The following POLE2 variants were observed in gnomAD, a reference collection of about 807,000 sequenced individuals.
POLE2 encodes DNA polymerase epsilon subunit 2.
Under a neutral mutation model 79.4 loss-of-function variants are expected in POLE2, and 56 were observed. That is an observed-to-expected ratio of 0.71 (90% CI 0.57 to 0.88). POLE2 has a LOEUF of 0.88. Among genes scored for constraint, POLE2 ranks in the 40% least tolerant of loss-of-function variants. The probability of loss-of-function intolerance (pLI) is 0.00; values close to 1 mark genes in which losing one functional copy is unlikely to be tolerated. For synonymous variants in POLE2, 212 were observed against 214.0 expected (o/e 0.99, Z 0.08); for missense variants, 598 against 638.9 (o/e 0.94, Z 0.69).
chr14:49,686,364 G>A (rs1048579054), intron 1 of POLE2, among the ~76,000 whole-genome samples: 1 of 152,174 alleles, frequency 6.6e-6, no homozygotes, highest in African/African-American at 2.4e-5. Context: ...CATGTTGGGG[G>A]CACACATGGC....
rs111829774 is a variant in POLE2, at chr14:49,671,544, G to A, written c.418-1946C>T. Reference sequence around the variant, plus strand: ...AGGCAGGAGAATCGCTTGAACCCAGGAGGCGGAAGTTGCAGTGAGCCGGGA... The same window carrying A: ...AGGCAGGAGAATCGCTTGAACCCAGAAGGCGGAAGTTGCAGTGAGCCGGGA... On this transcript the variant is annotated intron_variant, in intron 5 of 18. Coordinates refer to ENST00000216367, the MANE Select transcript of POLE2 (RefSeq NM_002692.4). Among the ~76,000 whole-genome samples, 480 of 150,924 alleles carry A rather than the reference G, an allele frequency of 3.2e-3. 2 individuals are homozygous for A. Among genetic ancestry groups the A allele is most frequent in the Non-Finnish European group, 5.3e-3 (362 of 67,880 alleles).
intron 8 of POLE2, 35 bp downstream of exon 8, chr14:49,665,072 G>A (rs777624819): frequency 1.7e-5 from 16 of 965,348 alleles, no homozygotes; most frequent in Admixed American, 1.6e-4. Flanking sequence ...TTCACGTAAT[G>A]CAGATTTTAA....
At position 49,679,818 on chromosome 14, in the gene POLE2, A is replaced by C; in HGVS notation, c.170-18T>G. On this transcript the variant is annotated intron_variant, in intron 2 of 18. Transcript: ENST00000216367. ...TGATGACACTGAAAAGAGAATTTCA[A>C]AGTCAAAATTTAAAAACAAAAAAAA... The C allele has an allele frequency of 2.0e-6, 3 of 1,490,998 alleles. No homozygotes were observed. The highest frequency in any genetic ancestry group is 2.8e-6 in the Non-Finnish European group (3 of 1,080,514). The allele number at this position is 1,490,998 out of a possible 1,614,324, so 92.4% of individuals were successfully genotyped here.
intron 1 of POLE2, among the ~76,000 whole-genome samples, chr14:49,684,365 T>G (rs1886960866): frequency 6.6e-6 from 1 of 151,364 alleles, no homozygotes; most frequent in South Asian, 2.1e-4. Context: ...CTCGGGAGAC[T>G]GAGGCAGGAG....
intron 18 of POLE2, among the ~76,000 whole-genome samples, chr14:49,644,126 C>T (rs988813515): frequency 1.3e-5 from 2 of 150,410 alleles, no homozygotes; most frequent in East Asian, 2.0e-4. Flanking sequence ...GTGATCCACC[C>T]GCCTCAGCCT....
intron 15 of POLE2, among the ~76,000 whole-genome samples, chr14:49,652,893 G>C (rs1215258706): frequency 6.6e-6 from 1 of 152,038 alleles, no homozygotes; most frequent in African/African-American, 2.4e-5. Context: ...ATCAGTCCCT[G>C]GTGCCAAAAA....
In POLE2 at chr14:49,653,985, CT is replaced by C; in HGVS notation, c.1211+4del. ...AAATGTATAACACAAAATACTAATTCTTACCTGCAAGGATTAGTAGTAAAAA... is the reference window on the plus strand; with the variant it reads ...AAATGTATAACACAAAATACTAATTCTACCTGCAAGGATTAGTAGTAAAAA... On this transcript the variant is annotated splice_donor_region_variant and intron_variant, in intron 15 of 18. Coordinates refer to ENST00000216367, the MANE Select transcript of POLE2 (RefSeq NM_002692.4). 6.7e-7 allele frequency: 1 copy of C among 1,494,524 alleles called. No individual in the cohort carries two copies. Among genetic ancestry groups the C allele is most frequent in the Non-Finnish European group, 9.3e-7 (1 of 1,075,432 alleles). 92.6% of individuals were successfully genotyped at this position (1,494,524 alleles called of 1,614,324 possible).
At chr14:49,677,958 C>T in intron 3 of POLE2, 2 of 281,654 alleles carry the variant, frequency 7.1e-6, no homozygotes, top group Non-Finnish European at 1.3e-5. Flanking sequence ...CCATCACTCA[C>T]TGGAATCTCT....
intron 2 of POLE2, chr14:49,681,238 T>TAAG (rs1453467322): frequency 4.9e-5 from 10 of 202,840 alleles, no homozygotes; most frequent in Non-Finnish European, 9.6e-5. Flanking sequence ...TATTAAGTAT[T>TAAG]TAACAAAAAG....
intron 3 of POLE2, 56 bp from the exon 4 acceptor site, chr14:49,674,483 G>C (rs1247045869): frequency 1.0e-6 from 1 of 1,002,372 alleles, no homozygotes; most frequent in African/African-American, 1.6e-5. Context: ...AGTACTCTAG[G>C]TGAACATGAT....
At chr14:49,656,138 G>A (rs536660801) in intron 10 of POLE2, among the ~76,000 whole-genome samples, 1 of 152,100 alleles carries the variant, frequency 6.6e-6, no homozygotes, top group Admixed American at 6.5e-5. Context: ...GGCGGATCAC[G>A]AGGTCAGGAG....
chr14:49,667,509 A>T (rs1885571905), intron 6 of POLE2, among the ~76,000 whole-genome samples: 2 of 151,926 alleles, frequency 1.3e-5, no homozygotes, highest in African/African-American at 4.8e-5. Context: ...AACAATGTTT[A>T]ATATTTCTGT....
chr14:49,663,331 G>GCT lies in POLE2; in HGVS notation c.737_738dup (p.Pro247SerfsTer24), dbSNP rs1350795026. The GCT allele has an allele frequency of 2.5e-6, 4 of 1,601,898 alleles. No homozygotes were observed. Among genetic ancestry groups the GCT allele is most frequent in the Admixed American group, 3.4e-5 (2 of 59,660 alleles). ...TTTTAATACCTAGTAGTACTAGAGG[G>GCT]CTCAGTGGGTGGAAATCCAAAGGCA... On this transcript the variant is annotated frameshift_variant, in exon 10 of 19. Transcript: ENST00000216367. LOFTEE classifies it high-confidence loss of function.
chr14:49,674,631 A>C (rs1453970230), intron 3 of POLE2, among the ~76,000 whole-genome samples: 1 of 152,102 alleles, frequency 6.6e-6, no homozygotes. Context: ...CAATGGTGGG[A>C]TATCAGCTCA....
rs773251212 is a variant in POLE2, at chr14:49,648,169, A to G, written c.1498-809T>C. ...TCACACATACAATTGTTTGTCTACT[A>G]TGAAACTCTCACGTGGCTGAGCAGA... On this transcript the variant is annotated intron_variant, in intron 17 of 18. Transcript: ENST00000216367. Among the ~76,000 whole-genome samples the G allele has an allele frequency of 3.3e-5, 5 of 152,354 alleles. No individual in the cohort carries two copies. The East Asian group carries it at 7.7e-4, about 24-fold the overall frequency.
chr14:49,646,079 C>A (rs1251609530), intron 18 of POLE2, among the ~76,000 whole-genome samples: 1 of 152,192 alleles, frequency 6.6e-6, no homozygotes, highest in Non-Finnish European at 1.5e-5. Flanking sequence ...TCAGGATATC[C>A]AGCGTAGACA....
chr14:49,653,906 G>T, intron 15 of POLE2, 84 bp downstream of exon 15: 1 of 765,448 alleles, frequency 1.3e-6, no homozygotes, highest in Non-Finnish European at 2.2e-6. Context: ...CTCCCAAAGT[G>T]CTGAGATTAC....
chr14:49,666,119 G>A (rs1180255941), intron 7 of POLE2, among the ~76,000 whole-genome samples: 1 of 152,138 alleles, frequency 6.6e-6, no homozygotes, highest in South Asian at 2.1e-4. Flanking sequence ...GAGCCACCGC[G>A]CCCAGCCAAC....
Position 49,666,400 on chromosome 14 carries a change from T to A in POLE2, c.506A>T (p.Glu169Val), listed in dbSNP as rs150596542. ...TTTGGTTGTACTACCCAATAAGGTT[T>A]CTATTGTTTTAAGCTAAAATAAAAC... Reference protein sequence around the residue: ...SGSKFQLKTIETLLGSTTKIG... With the variant: ...SGSKFQLKTIVTLLGSTTKIG... The change falls in exon 7 of 19, where the codon GAA becomes GTA. Residue 169 changes from glutamate (E) to valine (V), a missense_variant. Physicochemically the swap from Glu to Val is moderately radical, Grantham distance 121. Coordinates refer to ENST00000216367, the MANE Select transcript of POLE2 (RefSeq NM_002692.4). The A allele has an allele frequency of 2.6e-5, 38 of 1,451,432 alleles. No homozygotes were observed. In the Admixed American group the frequency reaches 3.5e-4, roughly 13 times the overall value. 89.9% of individuals were successfully genotyped at this position (1,451,432 alleles called of 1,614,324 possible).
Sources: gnomAD v4.1 joint callset for allele counts (sites outside exome capture counted in the v4.1 genomes callset) on GRCh38, gnomAD v4.1.1 for gene constraint, MANE v1.5 for transcripts, NCBI Gene and HGNC (gene_info 2026-07-23, HGNC 2026-07-21) for gene names.